SLC9A9: variants seen among roughly 807,000 people sequenced by gnomAD.
SLC9A9 encodes the protein sodium/hydrogen exchanger 9.
A neutral mutation model predicts 77.8 loss-of-function variants in SLC9A9; 62 were observed. The ratio of observed to expected loss-of-function variants is 0.80; its 90% CI spans 0.65 to 0.98. SLC9A9 has a LOEUF of 0.98. Among genes scored for constraint, SLC9A9 ranks in the 50% least tolerant of loss-of-function variants. The pLI, the probability that SLC9A9 is intolerant of heterozygous loss-of-function variation, is 0.00. For synonymous variants in SLC9A9, 320 were observed against 283.5 expected (o/e 1.13, Z -1.29); for missense variants, 775 against 774.9 (o/e 1.00, Z 0.00).
At chr3:143,696,734 T>C (rs1478065907) in intron 4 of SLC9A9, among the ~76,000 whole-genome samples, 5 of 152,154 alleles carry the variant, frequency 3.3e-5, no homozygotes, top group Non-Finnish European at 1.5e-5. Context: ...AATCTGAGGC[T>C]CAGAGTTAAA....
rs777746779 is a variant in SLC9A9, at chr3:143,467,109, A to G, written c.1397T>C (p.Leu466Pro). ...QPKQMMFTTT[L>P]LLVFFTVWVF... The stretch of plus-strand genomic sequence containing the variant: ...CCAGACAGTGAAGAACACGAGGAGC[A>G]GCGTAGTGGTAAACATCATTTGTTT... The change falls in exon 12 of 16, where the codon CTG (leucine) becomes CCG (proline). Residue 466 changes from leucine (L) to proline (P), a missense_variant. Physicochemically the swap from Leu to Pro is moderately conservative, Grantham distance 98 (BLOSUM62 -3). Transcript: ENST00000316549. 6.2e-6 allele frequency: 10 copies of G among 1,614,186 alleles called. No individual in the cohort carries two copies. Among genetic ancestry groups the G allele is most frequent in the Non-Finnish European group, 8.5e-6 (10 of 1,180,008 alleles).
intron 12 of SLC9A9, among the ~76,000 whole-genome samples, chr3:143,391,173 C>T (rs1021667463): frequency 6.6e-6 from 1 of 152,246 alleles, no homozygotes; most frequent in East Asian, 1.9e-4. Flanking sequence ...TCCCTGACCC[C>T]TGAGTAGCCT....
chr3:143,642,009 C>T (rs1451468026), intron 6 of SLC9A9, among the ~76,000 whole-genome samples: 1 of 152,150 alleles, frequency 6.6e-6, no homozygotes, highest in South Asian at 2.1e-4. Flanking sequence ...CCTTGTTTCT[C>T]CCTTATTCTG....
intron 11 of SLC9A9, among the ~76,000 whole-genome samples, chr3:143,480,877 G>A (rs2035562935): frequency 6.6e-6 from 1 of 152,210 alleles, no homozygotes; most frequent in Admixed American, 6.5e-5. Flanking sequence ...AAGGATTCCT[G>A]ACAGTGTGAT....
At chr3:143,667,767 T>A (rs373048287) in intron 5 of SLC9A9, among the ~76,000 whole-genome samples, 10 of 152,216 alleles carry the variant, frequency 6.6e-5, no homozygotes, top group Admixed American at 5.9e-4. Flanking sequence ...GAAATGTAAA[T>A]CAAAACCACA....
chr3:143,566,185 C>T (rs576858891), intron 8 of SLC9A9, among the ~76,000 whole-genome samples: 2 of 152,198 alleles, frequency 1.3e-5, no homozygotes, highest in South Asian at 4.1e-4. Context: ...TCTCAAGTTC[C>T]CCTTTTCCCT....
chr3:143,644,444 G>T (rs2038671328), intron 6 of SLC9A9, among the ~76,000 whole-genome samples: 1 of 152,216 alleles, frequency 6.6e-6, no homozygotes, highest in Non-Finnish European at 1.5e-5. Flanking sequence ...CAGAGTCACA[G>T]AATATAATCA....
intron 9 of SLC9A9, among the ~76,000 whole-genome samples, chr3:143,522,781 C>T (rs17640527): frequency 0.22 from 33,469 of 152,036 alleles, 4,793 homozygotes; most frequent in Non-Finnish European, 0.32. Flanking sequence ...CACCTCATGC[C>T]GTTATAATCA....
chr3:143,470,256 AT>A (rs1240633602), intron 11 of SLC9A9, among the ~76,000 whole-genome samples: 1 of 152,052 alleles, frequency 6.6e-6, no homozygotes, highest in Non-Finnish European at 1.5e-5. Flanking sequence ...CGGGTGGTGG[AT>A]TACCTGAGGT....
intron 5 of SLC9A9, among the ~76,000 whole-genome samples, chr3:143,653,241 T>C (rs541952446): frequency 2.0e-5 from 3 of 152,324 alleles, no homozygotes; most frequent in African/African-American, 4.8e-5. Context: ...CTATATGCCA[T>C]GTTCTTGTAT....
At chr3:143,607,254 C>T (rs189058299) in intron 6 of SLC9A9, among the ~76,000 whole-genome samples, 13 of 151,956 alleles carry the variant, frequency 8.6e-5, no homozygotes, top group Admixed American at 7.9e-4. Context: ...ATTACTACTA[C>T]CGAGATAATT....
Position 143,703,786 on chromosome 3 carries a change from A to G in SLC9A9, c.534-10479T>C, listed in dbSNP as rs564376251. Among the ~76,000 whole-genome samples the G allele has an allele frequency of 2.0e-5, 3 of 152,238 alleles. No individual in the cohort carries two copies. The East Asian group carries it at 5.8e-4, about 29-fold the overall frequency. On this transcript the variant is annotated intron_variant, in intron 4 of 15. Transcript: ENST00000316549. Reference sequence around the variant, plus strand: ...AATAAAACAAAAAGTCAGTTGTTTTATTTTGTCCAAGAATGGGCAAATATT... The same window carrying G: ...AATAAAACAAAAAGTCAGTTGTTTTGTTTTGTCCAAGAATGGGCAAATATT...
chr3:143,707,035 T>G (rs1934000822), intron 4 of SLC9A9, among the ~76,000 whole-genome samples: 1 of 152,110 alleles, frequency 6.6e-6, no homozygotes, highest in South Asian at 2.1e-4. Context: ...CAGGGAAGGT[T>G]CATTGTTAGG....
intron 8 of SLC9A9, among the ~76,000 whole-genome samples, chr3:143,552,975 C>T (rs1437440565): frequency 6.6e-6 from 1 of 152,170 alleles, no homozygotes; most frequent in Non-Finnish European, 1.5e-5. Context: ...CCTGCCAACG[C>T]TCCTACTTGC....
intron 11 of SLC9A9, among the ~76,000 whole-genome samples, chr3:143,470,396 C>T (rs2108571998): frequency 6.6e-6 from 1 of 151,468 alleles, no homozygotes; most frequent in South Asian, 2.1e-4. Flanking sequence ...AGGAGAATCA[C>T]TTGAACCTGG....
In SLC9A9 at chr3:143,348,511, C is replaced by T. The variant is rs763206535; in HGVS notation, c.1604+14973G>A. 9.2e-5 allele frequency among the ~76,000 whole-genome samples: 14 copies of T among 152,062 alleles called. 1 individual carries two copies. The highest frequency in any genetic ancestry group is 1.3e-4 in the Non-Finnish European group (9 of 67,998). The stretch of plus-strand genomic sequence containing the variant: ...AGGATAAAAACCATGACAAGTGCAC[C>T]ATATTTCTAGAAAATAGGTTCCAAG... On this transcript the variant is annotated intron_variant, in intron 14 of 15. Transcript: ENST00000316549.
At chr3:143,382,397 T>A (rs1431946260) in intron 12 of SLC9A9, among the ~76,000 whole-genome samples, 1 of 152,036 alleles carries the variant, frequency 6.6e-6, no homozygotes, top group African/African-American at 2.4e-5. Context: ...ACAGCAGCCA[T>A]CAGGAAAAAG....
Position 143,648,440 on chromosome 3 carries a change from T to C in SLC9A9, c.755+3815A>G, listed in dbSNP as rs1576632695. Reference sequence around the variant, plus strand: ...GGTTTGCGCTGCTAGGAGAATCTAATGCCGCCGCTGATCTCACAGAGGCGG... The same window carrying C: ...GGTTTGCGCTGCTAGGAGAATCTAACGCCGCCGCTGATCTCACAGAGGCGG... On this transcript the variant is annotated intron_variant, in intron 6 of 15. Transcript: ENST00000316549. Among the ~76,000 whole-genome samples, 6 of 152,314 alleles carry C rather than the reference T, an allele frequency of 3.9e-5. No individual in the cohort carries two copies. The South Asian group carries it at 1.2e-3, about 32-fold the overall frequency.
At chr3:143,637,832 C>A (rs1197891707) in intron 6 of SLC9A9, among the ~76,000 whole-genome samples, 3 of 152,168 alleles carry the variant, frequency 2.0e-5, no homozygotes, top group African/African-American at 7.2e-5. Context: ...CCAACCCAAC[C>A]TTTACTTCTC....
Sources: allele counts gnomAD v4.1 joint callset (sites outside exome capture counted in the v4.1 genomes callset), GRCh38; gene constraint gnomAD v4.1.1; transcripts MANE v1.5; gene names NCBI Gene and HGNC (gene_info 2026-07-23, HGNC 2026-07-21).